Variants in CAPN15 observed in about 807,000 individuals in gnomAD.
CAPN15 encodes calpain 15, also known as calpain-15.
A neutral mutation model predicts 97.9 loss-of-function variants in CAPN15; 53 were observed. The observed-to-expected ratio is 0.54, with a 90% CI of 0.43 to 0.68. CAPN15 has a LOEUF of 0.68. Ranked by LOEUF, CAPN15 falls within the 30% of genes least tolerant of loss-of-function variation. The pLI is 0.00. For synonymous variants in CAPN15, 922 were observed against 722.5 expected (o/e 1.28, Z -4.43); for missense variants, 1,592 against 1,589.8 (o/e 1.00, Z -0.02).
chr16:544,867 C>T (rs149479189), intron 3 of CAPN15, among the ~76,000 whole-genome samples: 13 of 74,726 alleles, frequency 1.7e-4, no homozygotes, highest in East Asian at 1.6e-3. Context: ...CCCCACGTCG[C>T]CTCCCCTCAC....
chr16:552,361 G>A lies in CAPN15; in HGVS notation c.2568G>A (p.Thr856=), dbSNP rs370083111. 3.1e-4 allele frequency: 495 copies of A among 1,599,702 alleles called. 1 individual carries two copies. The highest frequency in any genetic ancestry group is 3.4e-4 in the East Asian group (15 of 44,518). Residue 856 remains threonine, a synonymous_variant, in exon 11 of 14, where the codon ACG becomes ACA. Transcript: ENST00000219611. This position sits in a 1 kb window ranked among gnomAD's most constrained non-coding sequence, Gnocchi z 6.4. ...TGTGCATCCTGGTGTTCCGGGCCAC[G>A]TTCGGCAGCGGCGGCCACCTCAGCC... ...LDLCILVFRA[T]FGSGGHLSLG...
chr16:548,890 C>T (rs1046689518), intron 4 of CAPN15, 103 bp from the exon 5 acceptor site: 1 of 1,062,100 alleles, frequency 9.4e-7, no homozygotes, highest in African/African-American at 1.5e-5. Flanking sequence ...CCCTTTGGGG[C>T]TCAGGCAGTG....
chr16:550,525 C>T (rs1271144063), intron 7 of CAPN15, among the ~76,000 whole-genome samples: 1 of 152,238 alleles, frequency 6.6e-6, no homozygotes, highest in Non-Finnish European at 1.5e-5. Context: ...AGGTCGCGGC[C>T]AGCGAGGGCA....
rs940384679 is a variant in CAPN15, at chr16:540,099, G to A, written c.-23+3957G>A. 41 of 985,346 alleles carry A rather than the reference G, an allele frequency of 4.2e-5. No individual in the cohort carries two copies. In the African/African-American group the frequency reaches 4.5e-4, roughly 11 times the overall value. The allele number at this position is 985,346 out of a possible 1,614,324, so 61.0% of individuals were successfully genotyped here. A position where few individuals can be genotyped will look rare whatever the true frequency, so the allele number is the denominator to read the frequency against. On this transcript the variant is annotated intron_variant, in intron 3 of 13. Coordinates refer to ENST00000219611, the MANE Select transcript of CAPN15 (RefSeq NM_005632.3). ...TGTGTGTCACTCTGCCCAGCCGGCC[G>A]TCCTGTCTCTTCCCTCCATGCTCCG...
At chr16:540,463 A>G in intron 3 of CAPN15, 4 of 551,790 alleles carry the variant, frequency 7.2e-6, no homozygotes, top group Non-Finnish European at 9.2e-6. Context: ...GTGCTTGCAG[A>G]GAAGTGGGTC....
Position 549,716 on chromosome 16 carries a change from G to A in CAPN15, c.1944G>A (p.Leu648=), listed in dbSNP as rs2034854749. Reference sequence around the variant, plus strand: ...AGGCGGGCCGCGCCATCGAAGGCCTGGCCACGCTCACCGGCGCCCCCTGTG... The same window carrying A: ...AGGCGGGCCGCGCCATCGAAGGCCTAGCCACGCTCACCGGCGCCCCCTGTG... ...ALQAGRAIEG[L]ATLTGAPCES... is the part of the protein sequence containing the mutation. Residue 648 remains leucine, a synonymous_variant, in exon 7 of 14, where the codon CTG becomes CTA. Coordinates refer to ENST00000219611, the MANE Select transcript of CAPN15 (RefSeq NM_005632.3). 1 of 1,573,876 alleles carries A rather than the reference G, an allele frequency of 6.4e-7. No homozygotes were observed. The highest frequency in any genetic ancestry group is 8.6e-7 in the Non-Finnish European group (1 of 1,161,080).
chr16:538,451 C>T (rs1175563208), intron 3 of CAPN15: 1 of 152,428 alleles, frequency 6.6e-6, no homozygotes, highest in South Asian at 2.1e-4. Context: ...TGAGCCACCA[C>T]AGGATGGCAG....
chr16:547,459 A>G lies in CAPN15; in HGVS notation c.621A>G (p.Glu207=), dbSNP rs1474676801. 3.8e-6 allele frequency: 6 copies of G among 1,592,820 alleles called. No homozygotes were observed. The highest frequency in any genetic ancestry group is 1.3e-5 in the African/African-American group (1 of 74,682). ...CGCCTCCACCTGGCCTCCCCGGGGA[A>G]GGTGCCGAGGCCAACCCCCCAGCCA... The part of the protein sequence containing the change: ...PAAPPPGLPG[E]GAEANPPATS... The change falls in exon 4 of 14, where the codon GAA becomes GAG. Residue 207 remains glutamate (E), a synonymous_variant. Transcript: ENST00000219611.
chr16:550,843 CCCCGGTCGGTGAGGGT>C (rs1429135176), intron 7 of CAPN15, among the ~76,000 whole-genome samples: 3 of 59,340 alleles, frequency 5.1e-5, no homozygotes, highest in East Asian at 4.7e-4. Flanking sequence ...TCGGTGATGG[CCCCGGTCGGTGAGGGT>C]CCCGGTCGGT....
rs532963020 is a variant in CAPN15, at chr16:542,562, C to T, written c.-22-4255C>T. Among the ~76,000 whole-genome samples the T allele has an allele frequency of 3.7e-4, 56 of 152,230 alleles. 1 individual carries two copies. Among genetic ancestry groups the T allele is most frequent in the African/African-American group, 1.2e-3 (51 of 41,532 alleles). On this transcript the variant is annotated intron_variant, in intron 3 of 13. Coordinates refer to ENST00000219611, the MANE Select transcript of CAPN15 (RefSeq NM_005632.3). ...GGGCCTCTCTCCCTGTCTCATCCAC[C>T]CGTGCCTGTCTTTTTTTCATTCATT... is the stretch of plus-strand genomic sequence containing the variant.
Position 537,111 on chromosome 16 carries a change from G to A in CAPN15, c.-23+969G>A, listed in dbSNP as rs560867969. The A allele has an allele frequency of 2.2e-4, 213 of 984,780 alleles. No homozygotes were observed. The African/African-American group carries it at 3.5e-3, about 16-fold the overall frequency. The allele number at this position is 984,780 out of a possible 1,614,324, so 61.0% of individuals were successfully genotyped here. On this transcript the variant is annotated intron_variant, in intron 3 of 13. Coordinates refer to ENST00000219611, the MANE Select transcript of CAPN15 (RefSeq NM_005632.3). Reference sequence around the variant, plus strand: ...AGCCAGCTGTCCAGCCTCTGTGACAGGGACGTTTGCTTTTCTCTGCAGGGT... The same window carrying A: ...AGCCAGCTGTCCAGCCTCTGTGACAAGGACGTTTGCTTTTCTCTGCAGGGT...
rs1362370653 is a variant in CAPN15 at position 552,315 on chromosome 16, T to C, written c.2522T>C (p.Val841Ala). The C allele has an allele frequency of 1.3e-6, 2 of 1,569,954 alleles. No homozygotes were observed. The highest frequency in any genetic ancestry group is 1.8e-5 in the Admixed American group (1 of 54,644). The stretch of plus-strand genomic sequence containing the variant: ...GTCTGGCGCAGGCGCTCGGACGCCG[T>C]GGACAGCCACCTGCTGGACCTGTGC... ...FQEGSRRSDA[V>A]DSHLLDLCIL... The change falls in exon 11 of 14, where the codon GTG (valine) becomes GCG (alanine). Residue 841 changes from valine to alanine, a missense_variant. Physicochemically the swap from Val to Ala is moderately conservative, Grantham distance 64. This residue lies in a region of CAPN15 where 644 missense variants were observed against 699.6 expected (regional missense o/e 0.92). Coordinates refer to ENST00000219611, the MANE Select transcript of CAPN15 (RefSeq NM_005632.3). The surrounding 1 kb of genome is among the most constrained non-coding windows in gnomAD (Gnocchi z 6.4).
rs1183605543 is a variant in CAPN15 at position 547,749 on chromosome 16, A to T, written c.911A>T (p.Glu304Val). 8 of 1,607,140 alleles carry T rather than the reference A, an allele frequency of 5.0e-6. No homozygotes were observed. Among genetic ancestry groups the T allele is most frequent in the Non-Finnish European group, 6.0e-6 (7 of 1,176,378 alleles). ...RLSVLEEEAT[E>V]GGTSRVEAGS... ...AGTGTGCTGGAGGAAGAGGCCACGGAGGGTGGCACCAGCCGCGTAGAGGCC... is the reference window on the plus strand; with the variant it reads ...AGTGTGCTGGAGGAAGAGGCCACGGTGGGTGGCACCAGCCGCGTAGAGGCC... The change falls in exon 4 of 14, where the codon GAG (glutamate) becomes GTG (valine). Residue 304 changes from glutamate (E) to valine (V), a missense_variant. By Grantham distance (121) the Glu-to-Val change is moderately radical. Transcript: ENST00000219611.
Position 548,277 on chromosome 16 carries a change from T to TCTGC in CAPN15, c.1441_1444dup (p.Arg482LeufsTer11). 1 of 1,511,700 alleles carries TCTGC rather than the reference T, an allele frequency of 6.6e-7. No homozygotes were observed. The highest frequency in any genetic ancestry group is 8.8e-7 in the Non-Finnish European group (1 of 1,131,718). 93.6% of individuals were successfully genotyped at this position (1,511,700 alleles called of 1,614,324 possible). A position where few individuals can be genotyped will look rare whatever the true frequency, so the allele number is the denominator to read the frequency against. ...GCACTCTGGGAGAACATCGTGGCCT[T>TCTGC]CTGCCGGGAGGTGAGGCGCCCCCTC... On this transcript the variant is annotated frameshift_variant, in exon 4 of 14. Transcript: ENST00000219611. LOFTEE classifies it high-confidence loss of function.
At chr16:534,231 C>CGGGG (rs370331827) in intron 2 of CAPN15, among the ~76,000 whole-genome samples, 1 of 147,792 alleles carries the variant, frequency 6.8e-6, no homozygotes. Flanking sequence ...GGGGTCCCGA[C>CGGGG]AGGGGTGTTT....
chr16:549,764 C>A lies in CAPN15; in HGVS notation c.1992C>A (p.Ser664Arg). 1 of 1,592,720 alleles carries A rather than the reference C, an allele frequency of 6.3e-7. No homozygotes were observed. Among genetic ancestry groups the A allele is most frequent in the Non-Finnish European group, 8.5e-7 (1 of 1,169,946 alleles). The change falls in exon 7 of 14, where the codon AGC becomes AGA. Residue 664 changes from serine (S) to arginine (R), a missense_variant. Physicochemically the swap from Ser to Arg is moderately radical, Grantham distance 110. This residue lies in a region of CAPN15 where 644 missense variants were observed against 699.6 expected (regional missense o/e 0.92). Coordinates refer to ENST00000219611, the MANE Select transcript of CAPN15 (RefSeq NM_005632.3). ...APCESLALQL[S>R]STNPREEPVD... ...GTGAGAGCCTGGCGCTGCAGCTCAG[C>A]TCCACTAACCCCCGCGAGGAGCCCG... is the stretch of plus-strand genomic sequence containing the variant.
chr16:533,962 G>A lies in CAPN15; in HGVS notation c.-173G>A, dbSNP rs912275246. On this transcript the variant is annotated 5_prime_UTR_variant, in exon 2 of 14. Transcript: ENST00000219611. ...CCTTTCTAGGCAGCAGCCCAGACGC[G>A]GCACAGAGAGGGCCTGGGAGCTTGC... The A allele has an allele frequency of 6.1e-6, 6 of 985,466 alleles. No homozygotes were observed. The highest frequency in any genetic ancestry group is 6.0e-6 in the Non-Finnish European group (5 of 829,954). 61.0% of individuals were successfully genotyped at this position (985,466 alleles called of 1,614,324 possible). A position where few individuals can be genotyped will look rare whatever the true frequency, so the allele number is the denominator to read the frequency against.
chr16:543,806 G>A (rs183400060), intron 3 of CAPN15, among the ~76,000 whole-genome samples: 159 of 152,274 alleles, frequency 1.0e-3, no homozygotes, highest in Middle Eastern at 3.4e-3. Flanking sequence ...GGGTCAGCGC[G>A]ACAGCCCTGG....
rs147318382 is a variant in CAPN15, at chr16:549,297, C to T, written c.1668C>T (p.Ser556=). Residue 556 remains serine, a synonymous_variant, in exon 6 of 14, where the codon AGC becomes AGT. Coordinates refer to ENST00000219611, the MANE Select transcript of CAPN15 (RefSeq NM_005632.3). ...CTGAGGCTCTGCGCAGGTTCCTGAGCGCCCTGGCGGTGCTGGCGGAGCGGC... is the reference window on the plus strand; with the variant it reads ...CTGAGGCTCTGCGCAGGTTCCTGAGTGCCCTGGCGGTGCTGGCGGAGCGGC... ...QGLLGNCWFL[S]ALAVLAERPD... 1,702 of 1,587,882 alleles carry T rather than the reference C, an allele frequency of 1.1e-3. 3 individuals are homozygous for T. Among genetic ancestry groups the T allele is most frequent in the East Asian group, 5.8e-3 (257 of 44,024 alleles).
Sources: gnomAD v4.1 joint callset for allele counts (sites outside exome capture counted in the v4.1 genomes callset) on GRCh38, gnomAD v4.1.1 for gene constraint, gnomAD v4.1.1 regional missense constraint, Gnocchi (gnomAD v3.1) non-coding constraint, MANE v1.5 for transcripts, NCBI Gene and HGNC (gene_info 2026-07-23, HGNC 2026-07-21) for gene names.